The following ABI2 variants were observed in gnomAD, a reference collection of about 807,000 sequenced individuals.
The protein encoded by ABI2 is abelson interactor 2.
ABI2 carries 25 observed loss-of-function variants against 59.2 expected under a neutral mutation model. The ratio of observed to expected loss-of-function variants is 0.42; its 90% CI spans 0.31 to 0.59. The LOEUF (loss-of-function observed/expected upper bound fraction) is 0.59. Ranked by LOEUF, ABI2 falls within the 20% of genes least tolerant of loss-of-function variation. The pLI is 0.14. For missense variants in ABI2, 545 were observed against 681.8 expected (o/e 0.80, Z 2.23); for synonymous variants, 213 against 235.5 (o/e 0.90, Z 0.87).
chr2:203,417,282 A>T (rs530733017), intron 11 of ABI2, among the ~76,000 whole-genome samples: 1 of 152,320 alleles, frequency 6.6e-6, no homozygotes, highest in South Asian at 2.1e-4. Context: ...TAAAAAACTG[A>T]TGGTTATCTA....
intron 9 of ABI2, among the ~76,000 whole-genome samples, chr2:203,409,117 C>T (rs142342133): frequency 1.5e-3 from 235 of 152,154 alleles, no homozygotes; most frequent in African/African-American, 5.3e-3. Context: ...GGATTACAGG[C>T]GTGAGCCACC....
intron 1 of ABI2, 59 bp downstream of exon 1, chr2:203,328,690 T>C: frequency 1.6e-6 from 2 of 1,257,716 alleles, no homozygotes; most frequent in East Asian, 3.0e-5. Flanking sequence ...GCCGCGCGCC[T>C]CGGGGCGTGG....
chr2:203,413,920 A>G (rs1409069968), intron 10 of ABI2, among the ~76,000 whole-genome samples: 6 of 152,164 alleles, frequency 3.9e-5, no homozygotes, highest in African/African-American at 1.4e-4. Context: ...GGTAAGAAGT[A>G]CAGCTATGAC....
intron 10 of ABI2, among the ~76,000 whole-genome samples, chr2:203,415,408 G>C (rs1429544391): frequency 6.6e-6 from 1 of 152,016 alleles, no homozygotes; most frequent in Non-Finnish European, 1.5e-5. Flanking sequence ...ACAGGGTCAA[G>C]AGATCTAGAC....
chr2:203,365,662 C>T (rs183150188), intron 1 of ABI2, among the ~76,000 whole-genome samples: 200 of 111,704 alleles, frequency 1.8e-3, no homozygotes, highest in African/African-American at 6.4e-3. Context: ...CGGAGTCTCA[C>T]TCTGTTGCCC....
chr2:203,338,566 G>C (rs916901912), intron 1 of ABI2, among the ~76,000 whole-genome samples: 2 of 152,036 alleles, frequency 1.3e-5, no homozygotes, highest in South Asian at 4.2e-4. Flanking sequence ...CCAGAAGTAC[G>C]TGCCAGCACT....
chr2:203,328,529 G>C lies in ABI2; in HGVS notation c.15G>C (p.Gln5His). Reference sequence around the variant, plus strand: ...AGGATGTGAAGATGGCGGAGCTGCAGATGCTGCTGGAAGAGGAAATCCCGG... The same window carrying C: ...AGGATGTGAAGATGGCGGAGCTGCACATGCTGCTGGAAGAGGAAATCCCGG... The part of the protein sequence containing the change: MAEL[Q>H]MLLEEEIPGG... Residue 5 changes from glutamine to histidine, a missense_variant, in exon 1 of 12, where the codon CAG becomes CAC. Gln to His is a conservative substitution (Grantham distance 24). Transcript: ENST00000261018. The C allele has an allele frequency of 6.2e-7, 1 of 1,605,296 alleles. No individual in the cohort carries two copies. Among genetic ancestry groups the C allele is most frequent in the East Asian group, 2.3e-5 (1 of 43,592 alleles).
chr2:203,369,398 A>G (rs1401714897), intron 2 of ABI2, among the ~76,000 whole-genome samples: 2 of 152,136 alleles, frequency 1.3e-5, no homozygotes, highest in African/African-American at 4.8e-5. Flanking sequence ...AGCAAATAGC[A>G]ATGAAGGATA....
intron 2 of ABI2, among the ~76,000 whole-genome samples, chr2:203,377,416 ATAAGT>A (rs1234750934): frequency 6.7e-6 from 1 of 150,076 alleles, no homozygotes; most frequent in Non-Finnish European, 1.5e-5. Flanking sequence ...TCATTTCTGA[ATAAGT>A]TAAGTACATT....
chr2:203,339,458 G>A (rs893956114), intron 1 of ABI2, among the ~76,000 whole-genome samples: 2 of 151,676 alleles, frequency 1.3e-5, no homozygotes, highest in Admixed American at 1.3e-4. Context: ...GCGGGTGTCT[G>A]CAGTCCTAGC....
intron 11 of ABI2, among the ~76,000 whole-genome samples, chr2:203,420,468 A>C (rs2098146892): frequency 6.7e-6 from 1 of 148,176 alleles, no homozygotes; most frequent in Non-Finnish European, 1.5e-5. Flanking sequence ...GTCTTGGCTC[A>C]CTGCAAGCTC....
At chr2:203,359,427 A>G (rs1406960112) in intron 1 of ABI2, among the ~76,000 whole-genome samples, 4 of 152,170 alleles carry the variant, frequency 2.6e-5, no homozygotes, top group African/African-American at 9.7e-5. Flanking sequence ...AAGATCCCAA[A>G]TCTGTACTTT....
At chr2:203,345,646 T>G (rs916669075) in intron 1 of ABI2, among the ~76,000 whole-genome samples, 2 of 151,846 alleles carry the variant, frequency 1.3e-5, no homozygotes, top group African/African-American at 2.4e-5. Flanking sequence ...TGACTTCAGG[T>G]GATCCACCCA....
intron 9 of ABI2, among the ~76,000 whole-genome samples, chr2:203,409,207 T>A (rs1414377476): frequency 6.6e-6 from 1 of 152,208 alleles, no homozygotes; most frequent in Non-Finnish European, 1.5e-5. Context: ...TCAACAGTTG[T>A]TGTAAGCCTC....
At chr2:203,411,441 T>TATCCA in intron 10 of ABI2, 70 bp downstream of exon 10, 1 of 1,181,382 alleles carries the variant, frequency 8.5e-7, no homozygotes, top group Non-Finnish European at 1.2e-6. Context: ...TGTGATTGAC[T>TATCCA]GGATAGTCAT....
At chr2:203,415,616 C>CAAAAAAAAAA (rs71007515) in intron 10 of ABI2, among the ~76,000 whole-genome samples, 2 of 42,340 alleles carry the variant, frequency 4.7e-5, no homozygotes, top group African/African-American at 6.2e-5. Context: ...GACTCCGTCT[C>CAAAAAAAAAA]AAAAAAAAAA....
chr2:203,371,878 C>CT (rs1394532708), intron 2 of ABI2, among the ~76,000 whole-genome samples: 2 of 151,664 alleles, frequency 1.3e-5, no homozygotes, highest in Non-Finnish European at 2.9e-5. Flanking sequence ...AACTAAAACT[C>CT]TTATCAGTTT....
At chr2:203,338,961 TAAATATATATATATATATATAA>T (rs1205535926) in intron 1 of ABI2, among the ~76,000 whole-genome samples, 1,792 of 17,462 alleles carry the variant, frequency 0.1, 122 homozygotes, top group Non-Finnish European at 0.13. Context: ...TATATATATA[TAAATATATATATATATATATAA>T]ATATATATAT....
chr2:203,384,172 C>T (rs1031029629), intron 4 of ABI2, among the ~76,000 whole-genome samples: 4 of 151,972 alleles, frequency 2.6e-5, no homozygotes, highest in African/African-American at 9.7e-5. Flanking sequence ...TAGCAAAGGA[C>T]GTACAAGGTC....
Sources: allele counts gnomAD v4.1 joint callset (sites outside exome capture counted in the v4.1 genomes callset), GRCh38; gene constraint gnomAD v4.1.1; transcripts MANE v1.5; gene names NCBI Gene and HGNC (gene_info 2026-07-23, HGNC 2026-07-21).